The following CTNNA3 variants were observed in gnomAD, a reference collection of about 807,000 sequenced individuals.
The protein encoded by CTNNA3 is catenin alpha 3.
Under a neutral mutation model 95.7 loss-of-function variants are expected in CTNNA3, and 76 were observed. The observed-to-expected ratio is 0.79, with a 90% CI of 0.66 to 0.96. CTNNA3 has a LOEUF of 0.96. CTNNA3 is among the 40% of genes least tolerant of loss of function. The pLI, the probability that CTNNA3 is intolerant of heterozygous loss-of-function variation, is 0.00. For missense variants in CTNNA3, 1,191 were observed against 1,089.8 expected (o/e 1.09, Z -1.31); for synonymous variants, 431 against 374.4 (o/e 1.15, Z -1.74).
intron 7 of CTNNA3, among the ~76,000 whole-genome samples, chr10:66,818,409 T>C (rs1842171611): frequency 6.6e-6 from 1 of 152,216 alleles, no homozygotes; most frequent in African/African-American, 2.4e-5. Flanking sequence ...TTTATGATAA[T>C]AAATTCTGCA....
intron 7 of CTNNA3, among the ~76,000 whole-genome samples, chr10:67,106,055 G>A (rs1021496733): frequency 6.6e-6 from 1 of 152,140 alleles, no homozygotes; most frequent in Non-Finnish European, 1.5e-5. Context: ...ATGAATCCTT[G>A]TTACACTTCA....
At chr10:67,543,823 G>C (rs943213437) in intron 3 of CTNNA3, among the ~76,000 whole-genome samples, 1 of 152,112 alleles carries the variant, frequency 6.6e-6, no homozygotes, top group Non-Finnish European at 1.5e-5. Flanking sequence ...CTGCCATTTT[G>C]AATTTGAAAA....
At chr10:67,612,073 C>A (rs1014777946) in intron 2 of CTNNA3, among the ~76,000 whole-genome samples, 1 of 151,976 alleles carries the variant, frequency 6.6e-6, no homozygotes, top group African/African-American at 2.4e-5. Context: ...CCAAAACAAC[C>A]CTTACTGGAT....
chr10:67,320,729 C>T (rs1158447333), intron 5 of CTNNA3, among the ~76,000 whole-genome samples: 5 of 152,112 alleles, frequency 3.3e-5, no homozygotes, highest in Non-Finnish European at 5.9e-5. Flanking sequence ...CTGGGCTACA[C>T]GTTGATTATA....
chr10:65,970,585 A>G (rs901540826), intron 16 of CTNNA3, among the ~76,000 whole-genome samples: 21 of 151,554 alleles, frequency 1.4e-4, no homozygotes, highest in Non-Finnish European at 2.7e-4. Flanking sequence ...AGAAATATCT[A>G]TCTTGCAGAT....
At chr10:66,427,169 A>T (rs1428085838) in intron 11 of CTNNA3, among the ~76,000 whole-genome samples, 1 of 152,020 alleles carries the variant, frequency 6.6e-6, no homozygotes, top group African/African-American at 2.4e-5. Flanking sequence ...TTGCTCCAAT[A>T]TCCCTCCATA....
At chr10:67,418,752 C>G (rs1845633720) in intron 5 of CTNNA3, among the ~76,000 whole-genome samples, 1 of 152,060 alleles carries the variant, frequency 6.6e-6, no homozygotes, top group African/African-American at 2.4e-5. Context: ...TTCAAGAAAT[C>G]TATTGTAAAA....
intron 14 of CTNNA3, among the ~76,000 whole-genome samples, chr10:66,088,889 G>T (rs1301798485): frequency 6.6e-6 from 1 of 152,056 alleles, no homozygotes; most frequent in African/African-American, 2.4e-5. Flanking sequence ...TAGGGCCTAT[G>T]CCCAGTTTTC....
intron 5 of CTNNA3, among the ~76,000 whole-genome samples, chr10:67,308,521 C>A (rs1840652983): frequency 6.6e-6 from 1 of 152,160 alleles, no homozygotes; most frequent in South Asian, 2.1e-4. Context: ...TTATAAATTA[C>A]CCCATCTTGG....
At chr10:67,227,094 CT>C (rs1318466806) in intron 5 of CTNNA3, among the ~76,000 whole-genome samples, 67 of 118,482 alleles carry the variant, frequency 5.7e-4, no homozygotes, top group South Asian at 4.4e-3. Flanking sequence ...CTTTTTTTTT[CT>C]TTTTTTTTTT....
At chr10:65,929,066 C>T (rs571462206) in intron 17 of CTNNA3, among the ~76,000 whole-genome samples, 5 of 147,248 alleles carry the variant, frequency 3.4e-5, no homozygotes, top group African/African-American at 5.0e-5. Flanking sequence ...TGATGTTCCC[C>T]TTCCTGTGTC....
intron 7 of CTNNA3, among the ~76,000 whole-genome samples, chr10:67,130,206 T>C (rs530410843): frequency 6.6e-6 from 1 of 152,172 alleles, no homozygotes; most frequent in East Asian, 1.9e-4. Flanking sequence ...AAGAGTGCCA[T>C]CTTTCTAAAA....
At chr10:65,976,775 C>T (rs1214911561) in intron 16 of CTNNA3, among the ~76,000 whole-genome samples, 1 of 152,074 alleles carries the variant, frequency 6.6e-6, no homozygotes, top group Non-Finnish European at 1.5e-5. Flanking sequence ...CTTTGGGCCA[C>T]TTTTATGTAT....
chr10:66,975,195 A>G (rs966523396), intron 7 of CTNNA3, among the ~76,000 whole-genome samples: 3 of 152,208 alleles, frequency 2.0e-5, no homozygotes, highest in African/African-American at 7.2e-5. Context: ...AGCTAGCTCA[A>G]TAACTGATTT....
At chr10:67,692,615 G>A (rs1388954292) in intron 1 of CTNNA3, among the ~76,000 whole-genome samples, 41 of 133,722 alleles carry the variant, frequency 3.1e-4, no homozygotes, top group Non-Finnish European at 3.0e-4. Flanking sequence ...AAGGCCGCAG[G>A]GTCCTCTGCC....
intron 9 of CTNNA3, among the ~76,000 whole-genome samples, chr10:66,655,161 A>G (rs1190974598): frequency 6.6e-6 from 1 of 152,126 alleles, no homozygotes; most frequent in Non-Finnish European, 1.5e-5. Context: ...TCCACAATGT[A>G]TACATATTTT....
chr10:66,927,138 A>C lies in CTNNA3; in HGVS notation c.1048-151614T>G. 6.2e-7 allele frequency: 1 copy of C among 1,614,210 alleles called. No individual in the cohort carries two copies. On this transcript the variant is annotated intron_variant, in intron 7 of 17. Coordinates refer to ENST00000433211, the MANE Select transcript of CTNNA3 (RefSeq NM_013266.4). This position sits in a 1 kb window ranked among gnomAD's most constrained non-coding sequence, Gnocchi z 4.7. ...TGTCCCTTCGCTATAACAGCCTTCA[A>C]AAACTTAAGTATAATCAATTTAAAG...
rs962147680 is a variant in CTNNA3 at position 66,963,719 on chromosome 10, T to C, written c.1048-188195A>G. 8.5e-5 allele frequency among the ~76,000 whole-genome samples: 13 copies of C among 152,210 alleles called. No individual in the cohort carries two copies. The East Asian group carries it at 2.1e-3, about 25-fold the overall frequency. On this transcript the variant is annotated intron_variant, in intron 7 of 17. Transcript: ENST00000433211. The stretch of plus-strand genomic sequence containing the variant: ...TAGAAGGAGACCAAGACTCTATTCA[T>C]GAGAAAGAGCAGGGTGAGACATTAT...
At chr10:66,070,052 T>C (rs2080402891) in intron 14 of CTNNA3, among the ~76,000 whole-genome samples, 1 of 152,216 alleles carries the variant, frequency 6.6e-6, no homozygotes, top group Non-Finnish European at 1.5e-5. Flanking sequence ...ATGGTAGCTA[T>C]TTCTTATTCA....
Sources: gnomAD v4.1 joint callset for allele counts (sites outside exome capture counted in the v4.1 genomes callset) on GRCh38, gnomAD v4.1.1 for gene constraint, Gnocchi (gnomAD v3.1) non-coding constraint, MANE v1.5 for transcripts, NCBI Gene and HGNC (gene_info 2026-07-23, HGNC 2026-07-21) for gene names.